Variants in CDC14A observed in about 807,000 individuals in gnomAD.
CDC14A encodes the protein dual specificity protein phosphatase CDC14A.
CDC14A carries 53 observed loss-of-function variants against 74.4 expected under a neutral mutation model. That is an observed-to-expected ratio of 0.71 (90% CI 0.57 to 0.89). The LOEUF (loss-of-function observed/expected upper bound fraction) is 0.89. CDC14A is among the 40% of genes least tolerant of loss of function. The probability of loss-of-function intolerance (pLI) is 0.00; values close to 1 mark genes in which losing one functional copy is unlikely to be tolerated. For synonymous variants in CDC14A, 247 were observed against 258.4 expected, an observed-to-expected ratio of 0.96 and a Z score of 0.43; for missense variants, 646 against 713.7, an observed-to-expected ratio of 0.91 and a Z score of 1.08.
intron 4 of CDC14A, among the ~76,000 whole-genome samples, chr1:100,419,395 G>A (rs1571138870): frequency 6.6e-6 from 1 of 152,226 alleles, no homozygotes; most frequent in East Asian, 1.9e-4. Flanking sequence ...CAAGCCAAGT[G>A]AGTGCTCTGC....
intron 3 of CDC14A, among the ~76,000 whole-genome samples, chr1:100,382,383 GCTAA>G (rs1180164873): frequency 9.2e-5 from 13 of 141,526 alleles, no homozygotes; most frequent in Non-Finnish European, 1.5e-4. Context: ...ACCCCACCCA[GCTAA>G]CTATTTTTTT....
intron 7 of CDC14A, among the ~76,000 whole-genome samples, chr1:100,452,800 T>G (rs1428658896): frequency 6.6e-6 from 1 of 152,210 alleles, no homozygotes; most frequent in Non-Finnish European, 1.5e-5. Flanking sequence ...TCATCCTTGC[T>G]TAGGTATTTG....
At position 100,420,085 on chromosome 1, in the gene CDC14A, GTGTA is replaced by G. The variant is rs1178163843; in HGVS notation, c.310-4133_310-4130del. ...ACACATATATATATATATATATAGT[GTGTA>G]TGTGTGTGTGTGTTATGCTTTGCTG... On this transcript the variant is annotated intron_variant, in intron 4 of 15. Transcript: ENST00000336454. 2.3e-3 allele frequency among the ~76,000 whole-genome samples: 108 copies of G among 47,312 alleles called. 3 individuals carry two copies. The highest frequency in any genetic ancestry group is 5.0e-3 in the Non-Finnish European group (89 of 17,790). The allele number at this position is 47,312 out of a possible 152,430, so 31.0% of individuals were successfully genotyped here.
intron 9 of CDC14A, among the ~76,000 whole-genome samples, chr1:100,466,399 A>C (rs1667808992): frequency 6.6e-6 from 1 of 152,198 alleles, no homozygotes; most frequent in Admixed American, 6.5e-5. Context: ...ACTGGGTGAA[A>C]TAGAAGGCAA....
intron 4 of CDC14A, among the ~76,000 whole-genome samples, chr1:100,421,150 A>C (rs547479465): frequency 6.6e-6 from 1 of 152,228 alleles, no homozygotes; most frequent in Non-Finnish European, 1.5e-5. Flanking sequence ...TGTATTAGTC[A>C]AAAGTTTGGG....
At chr1:100,369,001 A>C (rs1654035009) in intron 2 of CDC14A, among the ~76,000 whole-genome samples, 1 of 151,832 alleles carries the variant, frequency 6.6e-6, no homozygotes, top group African/African-American at 2.4e-5. Flanking sequence ...TTTTTGAGAA[A>C]TCTCCAAACT....
chr1:100,417,758 A>C (rs761610104), intron 4 of CDC14A, among the ~76,000 whole-genome samples: 3 of 152,206 alleles, frequency 2.0e-5, no homozygotes, highest in Non-Finnish European at 4.4e-5. Context: ...GTAGTGATAT[A>C]GTCTTTTAAA....
rs772217239 is a variant in CDC14A at position 100,508,641 on chromosome 1, G to A, written c.1755+9379G>A. 1.3e-5 allele frequency among the ~76,000 whole-genome samples: 2 copies of A among 152,188 alleles called. No homozygotes were observed. Among genetic ancestry groups the A allele is most frequent in the Non-Finnish European group, 2.9e-5 (2 of 68,030 alleles). On this transcript the variant is annotated intron_variant, in intron 15 of 15. Coordinates refer to ENST00000336454, the MANE Select transcript of CDC14A (RefSeq NM_003672.4). The surrounding 1 kb of genome is among the most constrained non-coding windows in gnomAD (Gnocchi z 4.4). The stretch of plus-strand genomic sequence containing the variant: ...GAGCTCCTCCCAGGCTTTCTTCTCA[G>A]GCAGGGATGTGGCTCCATCTCAGCC...
chr1:100,496,484 C>G (rs562887242), intron 13 of CDC14A, among the ~76,000 whole-genome samples: 6 of 152,100 alleles, frequency 3.9e-5, no homozygotes, highest in Admixed American at 6.5e-5. Context: ...CCTTCCTTTT[C>G]AAGAGGAAAC....
At chr1:100,455,106 T>G (rs1422362902) in intron 7 of CDC14A, among the ~76,000 whole-genome samples, 2 of 152,258 alleles carry the variant, frequency 1.3e-5, no homozygotes, top group Non-Finnish European at 2.9e-5. Flanking sequence ...AAGCAATGTT[T>G]GTTTCCATTT....
intron 11 of CDC14A, among the ~76,000 whole-genome samples, chr1:100,485,659 G>T (rs188413832): frequency 8.5e-5 from 13 of 152,236 alleles, no homozygotes; most frequent in African/African-American, 2.9e-4. Flanking sequence ...CCCGGACAAG[G>T]GCCTTAAACC....
chr1:100,374,134 T>G (rs1026293644), intron 2 of CDC14A, among the ~76,000 whole-genome samples: 8 of 152,342 alleles, frequency 5.3e-5, no homozygotes, highest in African/African-American at 1.9e-4. Flanking sequence ...GGACATGAAC[T>G]CATCATTTTT....
chr1:100,377,914 C>T (rs1324786616), intron 3 of CDC14A, among the ~76,000 whole-genome samples: 4 of 152,206 alleles, frequency 2.6e-5, no homozygotes, highest in Admixed American at 2.6e-4. Context: ...GAGTCTCTAT[C>T]AAATTCCCTC....
intron 4 of CDC14A, among the ~76,000 whole-genome samples, chr1:100,418,081 G>GA (rs1661757890): frequency 6.6e-6 from 1 of 152,156 alleles, no homozygotes; most frequent in Non-Finnish European, 1.5e-5. Flanking sequence ...TGCTTTTCCT[G>GA]TAAAATGAAA....
chr1:100,374,944 A>G (rs888238463), intron 2 of CDC14A, among the ~76,000 whole-genome samples: 1 of 152,254 alleles, frequency 6.6e-6, no homozygotes, highest in African/African-American at 2.4e-5. Flanking sequence ...TAAGTATATG[A>G]TACAGTCCCT....
intron 8 of CDC14A, among the ~76,000 whole-genome samples, chr1:100,461,032 G>A (rs1667263958): frequency 6.6e-6 from 1 of 152,238 alleles, no homozygotes; most frequent in Admixed American, 6.5e-5. Flanking sequence ...TTAATACAAG[G>A]AGTTTATTTC....
intron 5 of CDC14A, among the ~76,000 whole-genome samples, chr1:100,431,936 T>C (rs1663739584): frequency 6.6e-6 from 1 of 152,176 alleles, no homozygotes; most frequent in Non-Finnish European, 1.5e-5. Context: ...TCTGTTTTTC[T>C]GGTGTTATTG....
intron 4 of CDC14A, among the ~76,000 whole-genome samples, chr1:100,423,033 T>C (rs1399990296): frequency 6.6e-6 from 1 of 152,122 alleles, no homozygotes; most frequent in African/African-American, 2.4e-5. Flanking sequence ...TAGAGAAGAT[T>C]GTAGGAATTA....
chr1:100,359,961 T>G (rs918482474), intron 2 of CDC14A, among the ~76,000 whole-genome samples: 1 of 150,410 alleles, frequency 6.6e-6, no homozygotes. Flanking sequence ...TTTTTTTTTT[T>G]GAGTTGGAGT....
Sources: gnomAD v4.1 joint callset for allele counts (sites outside exome capture counted in the v4.1 genomes callset) on GRCh38, gnomAD v4.1.1 for gene constraint, Gnocchi (gnomAD v3.1) non-coding constraint, MANE v1.5 for transcripts, NCBI Gene and HGNC (gene_info 2026-07-23, HGNC 2026-07-21) for gene names.